The following VKORC1L1 variants were observed in gnomAD, a reference collection of about 807,000 sequenced individuals.
VKORC1L1 encodes vitamin K epoxide reductase complex subunit 1L1.
VKORC1L1 carries 2 observed loss-of-function variants against 18.9 expected under a neutral mutation model. That is an observed-to-expected ratio of 0.11 (90% CI 0.04 to 0.33). The LOEUF (loss-of-function observed/expected upper bound fraction) is 0.33. Ranked by LOEUF, VKORC1L1 falls within the 10% of genes least tolerant of loss-of-function variation. The pLI, the probability that VKORC1L1 is intolerant of heterozygous loss-of-function variation, is 1.00. For synonymous variants in VKORC1L1, 96 were observed against 100.0 expected (o/e 0.96, Z 0.24); for missense variants, 123 against 224.1 (o/e 0.55, Z 2.88).
intron 1 of VKORC1L1, among the ~76,000 whole-genome samples, chr7:65,917,269 T>G (rs1347399173): frequency 6.6e-6 from 1 of 152,200 alleles, no homozygotes; most frequent in Non-Finnish European, 1.5e-5. Flanking sequence ...CCACCTTTTC[T>G]CTGTGCGTTG....
At chr7:65,895,463 A>G (rs1789176498) in intron 1 of VKORC1L1, among the ~76,000 whole-genome samples, 1 of 41,104 alleles carries the variant, frequency 2.4e-5, no homozygotes, top group African/African-American at 1.1e-4. Flanking sequence ...GAAAAAAAAA[A>G]AAAAAAAAAA....
chr7:65,931,458 G>A (rs1313152311), intron 1 of VKORC1L1, among the ~76,000 whole-genome samples: 1 of 152,136 alleles, frequency 6.6e-6, no homozygotes, highest in Non-Finnish European at 1.5e-5. Flanking sequence ...GAATTTCAAA[G>A]TATTGGTCCT....
At chr7:65,889,410 C>T (rs1789072536) in intron 1 of VKORC1L1, among the ~76,000 whole-genome samples, 1 of 152,244 alleles carries the variant, frequency 6.6e-6, no homozygotes, top group Non-Finnish European at 1.5e-5. Flanking sequence ...GCATCACCAC[C>T]TAAGCAGTTG....
upstream of VKORC1L1, among the ~76,000 whole-genome samples, chr7:65,872,389 T>C (rs558823258): frequency 6.6e-6 from 1 of 152,222 alleles, no homozygotes; most frequent in African/African-American, 2.4e-5. Flanking sequence ...CTTGGCTCAC[T>C]GCAACCTCCA....
chr7:65,939,838 C>T (rs1241569972), intron 1 of VKORC1L1, among the ~76,000 whole-genome samples: 4 of 152,100 alleles, frequency 2.6e-5, no homozygotes, highest in South Asian at 2.1e-4. Context: ...GCAAAAGACT[C>T]GGGGGCTGTA....
chr7:65,941,892 C>T (rs1790040637), intron 1 of VKORC1L1, among the ~76,000 whole-genome samples: 1 of 151,906 alleles, frequency 6.6e-6, no homozygotes, highest in Non-Finnish European at 1.5e-5. Flanking sequence ...AAATCTTGGC[C>T]TCAATTGCTC....
intron 1 of VKORC1L1, among the ~76,000 whole-genome samples, chr7:65,911,576 T>C (rs1488782107): frequency 1.3e-5 from 2 of 152,186 alleles, no homozygotes; most frequent in African/African-American, 2.4e-5. Flanking sequence ...TGAATGTGTA[T>C]AAAAGTTTTG....
intron 1 of VKORC1L1, among the ~76,000 whole-genome samples, chr7:65,929,798 G>A (rs1294676065): frequency 6.6e-6 from 1 of 150,916 alleles, no homozygotes. Flanking sequence ...CCAAAGTGCT[G>A]GGATTGTAGT....
At chr7:65,894,256 A>G (rs1256177938) in intron 1 of VKORC1L1, among the ~76,000 whole-genome samples, 1 of 151,154 alleles carries the variant, frequency 6.6e-6, no homozygotes, top group Non-Finnish European at 1.5e-5. Flanking sequence ...CGCCCAGCCA[A>G]AATTTTTTTT....
At chr7:65,916,115 TAA>T (rs35219358) in intron 1 of VKORC1L1, among the ~76,000 whole-genome samples, 83 of 126,544 alleles carry the variant, frequency 6.6e-4, no homozygotes, top group Admixed American at 7.4e-4. Flanking sequence ...TGTCTAAAAT[TAA>T]AAAAAAAAAA....
At chr7:65,936,136 A>T (rs564377531) in intron 1 of VKORC1L1, among the ~76,000 whole-genome samples, 172 of 134,000 alleles carry the variant, frequency 1.3e-3, no homozygotes, top group South Asian at 4.2e-3. Flanking sequence ...TATAGTTTCC[A>T]TTTTTTTTTT....
intron 1 of VKORC1L1, among the ~76,000 whole-genome samples, chr7:65,944,817 T>C (rs1790090604): frequency 6.6e-6 from 1 of 150,594 alleles, no homozygotes; most frequent in Non-Finnish European, 1.5e-5. Flanking sequence ...TTCGGGAGGC[T>C]GAGGAGGGAA....
In VKORC1L1 at chr7:65,955,253, C is replaced by A. The variant is rs1056234803; in HGVS notation, c.*953C>A. Reference sequence around the variant, plus strand: ...TTTTCATGCAGATATTTTTCCTTAACGTTGGTGCCAGTCAAGCAAAGAGTA... The same window carrying A: ...TTTTCATGCAGATATTTTTCCTTAAAGTTGGTGCCAGTCAAGCAAAGAGTA... On this transcript the variant is annotated 3_prime_UTR_variant, in exon 3 of 3. Coordinates refer to ENST00000360768, the MANE Select transcript of VKORC1L1 (RefSeq NM_173517.6). The A allele has an allele frequency of 6.6e-6, 1 of 152,142 alleles. No homozygotes were observed. The highest frequency in any genetic ancestry group is 1.5e-5 in the Non-Finnish European group (1 of 68,034). The allele number at this position is 152,142 out of a possible 1,614,324, so 9.4% of individuals were successfully genotyped here.
intron 1 of VKORC1L1, among the ~76,000 whole-genome samples, chr7:65,945,334 G>A (rs1298676108): frequency 4.6e-5 from 7 of 152,034 alleles, no homozygotes; most frequent in East Asian, 1.9e-4. Context: ...AAACAGGGCC[G>A]GGCGCAGTGG....
At chr7:65,902,669 A>G (rs937839870) in intron 1 of VKORC1L1, among the ~76,000 whole-genome samples, 1 of 152,184 alleles carries the variant, frequency 6.6e-6, no homozygotes, top group Admixed American at 6.5e-5. Context: ...GAGAATAACT[A>G]TAAAGGAAAC....
At chr7:65,951,819 A>G (rs1790218673) in intron 2 of VKORC1L1, among the ~76,000 whole-genome samples, 1 of 152,262 alleles carries the variant, frequency 6.6e-6, no homozygotes, top group Middle Eastern at 3.4e-3. Context: ...TGCCTGATGA[A>G]TATATCATGG....
intron 1 of VKORC1L1, among the ~76,000 whole-genome samples, chr7:65,874,189 C>T (rs1413712825): frequency 6.6e-6 from 1 of 152,126 alleles, no homozygotes; most frequent in Non-Finnish European, 1.5e-5. Context: ...TTTGACCCTA[C>T]TGTGGAAGAA....
intron 1 of VKORC1L1, among the ~76,000 whole-genome samples, chr7:65,881,346 A>T (rs1179703574): frequency 6.6e-6 from 1 of 152,228 alleles, no homozygotes; most frequent in Non-Finnish European, 1.5e-5. Context: ...TTTGTCTGCC[A>T]GGTTATCTCA....
chr7:65,878,273 C>T (rs1244669824), intron 1 of VKORC1L1, among the ~76,000 whole-genome samples: 1 of 151,758 alleles, frequency 6.6e-6, no homozygotes, highest in Non-Finnish European at 1.5e-5. Context: ...TGGTGAAACC[C>T]CTTGTCTACT....
Sources: allele counts gnomAD v4.1 joint callset (sites outside exome capture counted in the v4.1 genomes callset), GRCh38; gene constraint gnomAD v4.1.1; transcripts MANE v1.5; gene names NCBI Gene and HGNC (gene_info 2026-07-23, HGNC 2026-07-21).